Variants in ZNF730 observed in about 807,000 individuals in gnomAD.
The protein encoded by ZNF730 is putative zinc finger protein 730.
In ZNF730, 12 loss-of-function variants were observed where a neutral mutation model predicts 12.6. That is an observed-to-expected ratio of 0.95 (90% CI 0.61 to 1.54). The LOEUF (loss-of-function observed/expected upper bound fraction) is 1.54, where lower values mean the gene tolerates loss of function less well. Among genes scored for constraint, ZNF730 ranks in the 40% most tolerant of loss-of-function variants. The pLI is 0.00. For synonymous variants in ZNF730, 194 were observed against 195.8 expected, an observed-to-expected ratio of 0.99 and a Z score of 0.08; for missense variants, 643 against 583.5, an observed-to-expected ratio of 1.10 and a Z score of -1.05.
chr19:23,082,962 G>A (rs1036252201), intron 1 of ZNF730, among the ~76,000 whole-genome samples: 21 of 152,126 alleles, frequency 1.4e-4, no homozygotes, highest in African/African-American at 4.8e-4. Context: ...GGCTTCGAAA[G>A]TGCTGGGATT....
chr19:23,088,298 G>A (rs1175711949), intron 1 of ZNF730, among the ~76,000 whole-genome samples: 5 of 152,232 alleles, frequency 3.3e-5, no homozygotes, highest in East Asian at 1.9e-4. Flanking sequence ...GGGATTACAG[G>A]TGTGAGCCAC....
intron 1 of ZNF730, chr19:23,125,818 G>GT (rs1306874557): frequency 1.1e-5 from 2 of 183,094 alleles, no homozygotes; most frequent in Non-Finnish European, 2.4e-5. Flanking sequence ...CAGGATGATA[G>GT]TTTTTTTGTT....
At chr19:23,113,941 A>C (rs1028748588), upstream of ZNF730, among the ~76,000 whole-genome samples, 3 of 152,140 alleles carry the variant, frequency 2.0e-5, no homozygotes, top group African/African-American at 7.2e-5. Flanking sequence ...TTGGTCAATA[A>C]GTTTTTTTGT....
intron 1 of ZNF730, among the ~76,000 whole-genome samples, chr19:23,106,011 A>G (rs1365730315): frequency 6.6e-6 from 1 of 152,204 alleles, no homozygotes; most frequent in East Asian, 1.9e-4. Context: ...ATTGATTATA[A>G]TCAAGCTAGG....
In ZNF730 at chr19:23,076,727, A is replaced by G. The variant is rs962951825; in HGVS notation, c.-94+1340A>G. Among the ~76,000 whole-genome samples, 6 of 152,208 alleles carry G rather than the reference A, an allele frequency of 3.9e-5. 1 individual carries two copies. Among genetic ancestry groups the G allele is most frequent in the Admixed American group, 3.9e-4 (6 of 15,286 alleles). ...GATTTTTTTGGTCAAAGGAATGCTT[A>G]GGCACCACTGGTGGGAGTTTAAATC... On this transcript the variant is annotated intron_variant, in intron 1 of 2. Transcript: ENST00000593635.
At chr19:23,075,870 A>G (rs1274677871) in intron 1 of ZNF730, among the ~76,000 whole-genome samples, 1 of 151,952 alleles carries the variant, frequency 6.6e-6, no homozygotes, top group African/African-American at 2.4e-5. Context: ...TACAGGGTTG[A>G]GCCACCGCGC....
At chr19:23,119,183 A>G (rs868090982) in intron 1 of ZNF730, among the ~76,000 whole-genome samples, 2 of 152,220 alleles carry the variant, frequency 1.3e-5, no homozygotes, top group East Asian at 1.9e-4. Context: ...GGTTTGTCAT[A>G]GATAACTCAT....
intron 1 of ZNF730, among the ~76,000 whole-genome samples, chr19:23,107,662 C>T (rs531693850): frequency 5.3e-5 from 8 of 152,116 alleles, no homozygotes; most frequent in South Asian, 4.2e-4. Flanking sequence ...ATGATTTCCA[C>T]GTATATTTCT....
At position 23,146,541 on chromosome 19, in the gene ZNF730, G is replaced by C; in HGVS notation, c.1497G>C (p.Lys499Asn). ...GGTTCTCACACCTTACTAGGCATAA[G>C]ACAATTCATACATAAAATTGTAAAG... The part of the protein sequence containing the change: ...FRRFSHLTRH[K>N]TIHT Residue 499 changes from lysine (K) to asparagine (N), a missense_variant, in exon 4 of 4, where the codon AAG becomes AAC. Coordinates refer to ENST00000597761, the MANE Select transcript of ZNF730 (RefSeq NM_001277403.2). 2 of 1,581,080 alleles carry C rather than the reference G, an allele frequency of 1.3e-6. No homozygotes were observed. Among genetic ancestry groups the C allele is most frequent in the South Asian group, 1.1e-5 (1 of 87,298 alleles).
chr19:23,128,451 G>T, intron 1 of ZNF730: 1 of 353,590 alleles, frequency 2.8e-6, no homozygotes, highest in South Asian at 3.4e-5. Flanking sequence ...AAAAGAAGTG[G>T]AACCATCCCA....
intron 1 of ZNF730, among the ~76,000 whole-genome samples, chr19:23,079,036 C>T (rs562991203): frequency 1.3e-5 from 2 of 152,204 alleles, no homozygotes; most frequent in African/African-American, 2.4e-5. Flanking sequence ...GAACTCCTGA[C>T]CTCAGGTGAT....
chr19:23,076,466 G>C (rs1969863705), intron 1 of ZNF730, among the ~76,000 whole-genome samples: 1 of 152,166 alleles, frequency 6.6e-6, no homozygotes, highest in African/African-American at 2.4e-5. Flanking sequence ...GCCCTTTACA[G>C]CAGCCCTCTG....
At chr19:23,117,362 G>C (rs1348516313) in intron 1 of ZNF730, among the ~76,000 whole-genome samples, 186 bp downstream of exon 1, 1 of 152,112 alleles carries the variant, frequency 6.6e-6, no homozygotes, top group South Asian at 2.1e-4. Flanking sequence ...CCGGGGCCCC[G>C]GCGTCCTGTC....
chr19:23,117,169 T>C lies in ZNF730; in HGVS notation c.-5T>C, dbSNP rs746230263. Reference sequence around the variant, plus strand: ...AAGACGCCAGGGCCCCCTGGAAGCCTAGAAATGGTGAGAGTGCCGGTCCGA... The same window carrying C: ...AAGACGCCAGGGCCCCCTGGAAGCCCAGAAATGGTGAGAGTGCCGGTCCGA... On this transcript the variant is annotated 5_prime_UTR_variant, in exon 1 of 4. Transcript: ENST00000597761. 6 of 1,613,776 alleles carry C rather than the reference T, an allele frequency of 3.7e-6. No individual in the cohort carries two copies. In the Admixed American group the frequency reaches 1.0e-4, roughly 27 times the overall value.
At chr19:23,084,131 T>C (rs1174770522) in intron 1 of ZNF730, among the ~76,000 whole-genome samples, 10 of 152,206 alleles carry the variant, frequency 6.6e-5, no homozygotes, top group Non-Finnish European at 1.5e-4. Flanking sequence ...TATATTATTC[T>C]GTGTATGGAT....
intron 1 of ZNF730, among the ~76,000 whole-genome samples, chr19:23,120,783 G>A (rs1342014024): frequency 6.6e-6 from 1 of 152,024 alleles, no homozygotes; most frequent in African/African-American, 2.4e-5. Flanking sequence ...TATTTATGAT[G>A]TTAGGTTGTT....
chr19:23,145,758 C>T lies in ZNF730; in HGVS notation c.714C>T (p.Asn238=). 6.4e-7 allele frequency: 1 copy of T among 1,568,316 alleles called. No individual in the cohort carries two copies. Reference sequence around the variant, plus strand: ...GTAAAGAATGTGGCAAAGCCTTTAACTGGTTTTCACATTTTACTACACATA... The same window carrying T: ...GTAAAGAATGTGGCAAAGCCTTTAATTGGTTTTCACATTTTACTACACATA... ...YKCKECGKAF[N]WFSHFTTHKR... Residue 238 remains asparagine, a synonymous_variant, in exon 4 of 4, where the codon AAC becomes AAT. Transcript: ENST00000597761.
chr19:23,128,800 A>T (rs190418606), intron 1 of ZNF730, among the ~76,000 whole-genome samples: 9 of 152,320 alleles, frequency 5.9e-5, no homozygotes, highest in African/African-American at 1.9e-4. Context: ...CCAGTTCATG[A>T]CAGAGGTCTT....
chr19:23,098,906 G>A (rs1270156932), intron 1 of ZNF730, among the ~76,000 whole-genome samples: 7 of 152,134 alleles, frequency 4.6e-5, no homozygotes, highest in Non-Finnish European at 7.3e-5. Flanking sequence ...TCACAGCTAG[G>A]CTTAGAAAAA....
Sources: gnomAD v4.1 joint callset for allele counts (sites outside exome capture counted in the v4.1 genomes callset) on GRCh38, gnomAD v4.1.1 for gene constraint, MANE v1.5 for transcripts, NCBI Gene and HGNC (gene_info 2026-07-23, HGNC 2026-07-21) for gene names.